Variants in VAV3 observed in about 807,000 individuals in gnomAD.
VAV3 encodes vav guanine nucleotide exchange factor 3.
In VAV3, 94 loss-of-function variants were observed where a neutral mutation model predicts 131.2. The observed-to-expected ratio is 0.72, with a 90% CI of 0.61 to 0.85. The LOEUF (loss-of-function observed/expected upper bound fraction) is 0.85, where lower values mean the gene tolerates loss of function less well. Ranked by LOEUF, VAV3 falls within the 40% of genes least tolerant of loss-of-function variation. VAV3 has a pLI of 0.00. For missense variants in VAV3, 939 were observed against 1,002.7 expected (o/e 0.94, Z 0.86); for synonymous variants, 349 against 342.0 (o/e 1.02, Z -0.22).
chr1:107,598,782 T>C (rs1651600051), intron 24 of VAV3, among the ~76,000 whole-genome samples: 1 of 147,106 alleles, frequency 6.8e-6, no homozygotes, highest in African/African-American at 2.5e-5. Context: ...TAAAGCAAAA[T>C]TTTGTGAGGT....
rs1028679964 is a variant in VAV3, at chr1:107,572,969, G to A, written c.*362C>T. 1.7e-5 allele frequency: 4 copies of A among 236,108 alleles called. No homozygotes were observed. Among genetic ancestry groups the A allele is most frequent in the Non-Finnish European group, 2.4e-5 (3 of 123,674 alleles). The allele number at this position is 236,108 out of a possible 1,614,324, so 14.6% of individuals were successfully genotyped here. The stretch of plus-strand genomic sequence containing the variant: ...AATGGCATGTGAGAATAAAGCAAAA[G>A]TGTATTAAGATTTACTGATGACTGG... On this transcript the variant is annotated 3_prime_UTR_variant, in exon 27 of 27. Coordinates refer to ENST00000370056, the MANE Select transcript of VAV3 (RefSeq NM_006113.5).
At chr1:107,708,586 C>T (rs1660592296) in intron 15 of VAV3, among the ~76,000 whole-genome samples, 1 of 152,160 alleles carries the variant, frequency 6.6e-6, no homozygotes, top group Non-Finnish European at 1.5e-5. Context: ...CTGGCTCCAT[C>T]ACAGGCCTTA....
chr1:107,764,616 C>T (rs1664634664), intron 9 of VAV3, among the ~76,000 whole-genome samples: 1 of 152,180 alleles, frequency 6.6e-6, no homozygotes, highest in Non-Finnish European at 1.5e-5. Context: ...AACTCTCGGG[C>T]TCAAGTGCAT....
At chr1:107,627,351 C>G (rs1255063047) in intron 20 of VAV3, among the ~76,000 whole-genome samples, 1 of 152,120 alleles carries the variant, frequency 6.6e-6, no homozygotes, top group African/African-American at 2.4e-5. Context: ...CAGAATTGAT[C>G]ATTTGCATTT....
At chr1:107,784,283 T>C (rs961468155) in intron 2 of VAV3, among the ~76,000 whole-genome samples, 1 of 152,168 alleles carries the variant, frequency 6.6e-6, no homozygotes, top group African/African-American at 2.4e-5. Flanking sequence ...CATGCTTTTG[T>C]CATTAACAAT....
At chr1:107,638,933 T>TAC (rs912961450) in intron 20 of VAV3, among the ~76,000 whole-genome samples, 4 of 151,650 alleles carry the variant, frequency 2.6e-5, no homozygotes, top group Non-Finnish European at 5.9e-5. Flanking sequence ...CATATAAAGA[T>TAC]ACACACACAC....
chr1:107,810,507 G>A (rs1667267442), intron 2 of VAV3, among the ~76,000 whole-genome samples: 1 of 152,006 alleles, frequency 6.6e-6, no homozygotes, highest in Non-Finnish European at 1.5e-5. Context: ...AAATTGCTAT[G>A]AGACATGGAA....
rs1200074699 is a variant in VAV3, at chr1:107,603,058, T to G, written c.2121A>C (p.Ala707=). 3.1e-6 allele frequency: 5 copies of G among 1,611,698 alleles called. No individual in the cohort carries two copies. The change falls in exon 23 of 27, where the codon GCA becomes GCC. Residue 707 remains alanine (A), a synonymous_variant. Transcript: ENST00000370056. ...CTTGTCCTACTTACTTAATGCTAAT[T>G]GCATATTCTCCTGACTCTTTGGTCC... ...RHRTKESGEY[A]ISIKYNNEAK...
chr1:107,870,911 C>T (rs1356377309), intron 2 of VAV3, among the ~76,000 whole-genome samples: 1 of 152,122 alleles, frequency 6.6e-6, no homozygotes, highest in African/African-American at 2.4e-5. Flanking sequence ...AAGGAGATGA[C>T]TTTAGTCACT....
chr1:107,785,570 G>C, intron 2 of VAV3: 1 of 1,212,412 alleles, frequency 8.2e-7, no homozygotes, highest in Non-Finnish European at 1.0e-6. Context: ...TACAACATTA[G>C]GTTGCTATCT....
chr1:107,820,377 C>T (rs1487290988), intron 2 of VAV3, among the ~76,000 whole-genome samples: 5 of 152,096 alleles, frequency 3.3e-5, no homozygotes, highest in Non-Finnish European at 7.4e-5. Flanking sequence ...ACAAACTTCA[C>T]ATGTTCTCAC....
At chr1:107,669,846 GA>G (rs1442124115) in intron 19 of VAV3, among the ~76,000 whole-genome samples, 1 of 152,188 alleles carries the variant, frequency 6.6e-6, no homozygotes, top group Non-Finnish European at 1.5e-5. Flanking sequence ...CCTTAGAGGA[GA>G]GAGTAACTAC....
chr1:107,616,982 C>T lies in VAV3; in HGVS notation c.1980+585G>A, dbSNP rs1319314109. Reference sequence around the variant, plus strand: ...ACAGAAGTTTATCAGTATCATAACACACCAGGGAGTACATTTTAGGTTACA... The same window carrying T: ...ACAGAAGTTTATCAGTATCATAACATACCAGGGAGTACATTTTAGGTTACA... On this transcript the variant is annotated intron_variant, in intron 21 of 26. Coordinates refer to ENST00000370056, the MANE Select transcript of VAV3 (RefSeq NM_006113.5). Among the ~76,000 whole-genome samples the T allele has an allele frequency of 2.6e-5, 4 of 152,246 alleles. No homozygotes were observed. In the East Asian group the frequency reaches 5.8e-4, roughly 22 times the overall value.
intron 21 of VAV3, 62 bp from the exon 22 acceptor site, chr1:107,610,027 C>T (rs1652601896): frequency 6.6e-7 from 1 of 1,521,014 alleles, no homozygotes; most frequent in East Asian, 2.3e-5. Flanking sequence ...AGAAATCAAT[C>T]ATTAATTCAG....
intron 25 of VAV3, among the ~76,000 whole-genome samples, chr1:107,594,368 T>A (rs979844207): frequency 6.6e-5 from 10 of 152,204 alleles, no homozygotes; most frequent in African/African-American, 2.4e-4. Flanking sequence ...AACGAATGAA[T>A]GAATAATTGA....
rs1482032041 is a variant in VAV3, at chr1:107,836,990, A to G, written c.321+37911T>C. 2.0e-5 allele frequency among the ~76,000 whole-genome samples: 3 copies of G among 152,120 alleles called. No homozygotes were observed. In the East Asian group the frequency reaches 5.8e-4, roughly 29 times the overall value. ...TCCTGATGTACAAAGAAAAACTGGT[A>G]CCAGTCCTGCTGAAGCTGTTCCCAA... On this transcript the variant is annotated intron_variant, in intron 2 of 26. Transcript: ENST00000370056.
chr1:107,784,710 C>T (rs1200883514), intron 2 of VAV3, among the ~76,000 whole-genome samples: 3 of 152,184 alleles, frequency 2.0e-5, no homozygotes, highest in Non-Finnish European at 2.9e-5. Context: ...TTTCCATCAC[C>T]TAGTTCACAG....
intron 1 of VAV3, among the ~76,000 whole-genome samples, chr1:107,908,384 A>G (rs938061279): frequency 2.0e-5 from 3 of 152,158 alleles, no homozygotes; most frequent in Non-Finnish European, 4.4e-5. Context: ...GATATCCTCA[A>G]AGTAAGATCG....
intron 20 of VAV3, among the ~76,000 whole-genome samples, chr1:107,622,833 T>C (rs990397960): frequency 2.0e-5 from 3 of 152,154 alleles, no homozygotes; most frequent in Non-Finnish European, 4.4e-5. Context: ...AGCATGGCCA[T>C]GAATAATGGG....
Sources: gnomAD v4.1 joint callset for allele counts (sites outside exome capture counted in the v4.1 genomes callset) on GRCh38, gnomAD v4.1.1 for gene constraint, MANE v1.5 for transcripts, NCBI Gene and HGNC (gene_info 2026-07-23, HGNC 2026-07-21) for gene names.